The following COLEC10 variants were observed in gnomAD, a reference collection of about 807,000 sequenced individuals.
COLEC10 encodes the protein collectin subfamily member 10.
A neutral mutation model predicts 28.4 loss-of-function variants in COLEC10; 22 were observed. That is an observed-to-expected ratio of 0.78 (90% CI 0.55 to 1.11). COLEC10 has a LOEUF of 1.11. Among genes scored for constraint, COLEC10 ranks in the 50% least tolerant of loss-of-function variants. The pLI is 0.00. For missense variants in COLEC10, 361 were observed against 344.1 expected (o/e 1.05, Z -0.39); for synonymous variants, 125 against 116.1 (o/e 1.08, Z -0.49).
chr8:119,009,284 G>T (rs890066269), intron 1 of COLEC10, among the ~76,000 whole-genome samples: 2 of 151,076 alleles, frequency 1.3e-5, no homozygotes, highest in African/African-American at 4.9e-5. Flanking sequence ...GATCCTCAAT[G>T]TGGCAGCTTT....
chr8:118,980,733 T>C, the COLEC10 span, among the ~76,000 whole-genome samples: 5 of 151,572 alleles, frequency 3.3e-5, no homozygotes, highest in African/African-American at 1.2e-4. Flanking sequence ...TGGTAAACTT[T>C]AAAAATACTT....
At chr8:119,095,145 A>G (rs1421469760) in intron 3 of COLEC10, among the ~76,000 whole-genome samples, 1 of 152,216 alleles carries the variant, frequency 6.6e-6, no homozygotes, top group Non-Finnish European at 1.5e-5. Context: ...AGATGGCTTG[A>G]CATACAAAAA....
the COLEC10 span, among the ~76,000 whole-genome samples, chr8:118,957,176 A>G: frequency 6.6e-6 from 1 of 152,232 alleles, no homozygotes; most frequent in Non-Finnish European, 1.5e-5. Context: ...TTGACTTAGT[A>G]TATACTGATG....
At chr8:119,077,243 ATTTTTT>A (rs762180766) in intron 1 of COLEC10, among the ~76,000 whole-genome samples, 40 of 90,282 alleles carry the variant, frequency 4.4e-4, no homozygotes, top group African/African-American at 1.5e-3. Context: ...GTAGAGAATG[ATTTTTT>A]TTTTTTTTTT....
At chr8:119,049,401 CTT>C (rs34885340) in intron 2 of COLEC10, among the ~76,000 whole-genome samples, 560 of 59,958 alleles carry the variant, frequency 9.3e-3, no homozygotes, top group East Asian at 0.046. Flanking sequence ...ATTTTCTTTT[CTT>C]TTTTTTTTTT....
chr8:119,030,576 A>C (rs1226286647), intron 2 of COLEC10, among the ~76,000 whole-genome samples: 1 of 152,194 alleles, frequency 6.6e-6, no homozygotes, highest in Non-Finnish European at 1.5e-5. Context: ...CATCATGTGA[A>C]TATAAACAGG....
At chr8:118,996,978 G>A (rs1316900886) in intron 1 of COLEC10, among the ~76,000 whole-genome samples, 2 of 152,190 alleles carry the variant, frequency 1.3e-5, no homozygotes, top group African/African-American at 4.8e-5. Context: ...AGCCATTCAT[G>A]CGGGATCCAC....
At chr8:119,021,661 TTAAA>T (rs1314191239) in intron 2 of COLEC10, among the ~76,000 whole-genome samples, 3 of 152,290 alleles carry the variant, frequency 2.0e-5, no homozygotes, top group Middle Eastern at 3.4e-3. Flanking sequence ...GGCAGCACTG[TTAAA>T]TAGAGGAATG....
intron 3 of COLEC10, among the ~76,000 whole-genome samples, chr8:119,094,663 C>A (rs16891994): frequency 0.099 from 14,996 of 152,106 alleles, 1,676 homozygotes; most frequent in African/African-American, 0.28. Flanking sequence ...GGCTAAGAGG[C>A]TTGAGCAGAA....
the COLEC10 span, among the ~76,000 whole-genome samples, chr8:118,976,773 T>A: frequency 1.3e-5 from 2 of 152,040 alleles, no homozygotes; most frequent in Non-Finnish European, 2.9e-5. Context: ...CTAAAGAGCT[T>A]CTGCACAGCA....
the COLEC10 span, among the ~76,000 whole-genome samples, chr8:118,980,335 G>T: frequency 6.6e-6 from 1 of 151,574 alleles, no homozygotes; most frequent in Non-Finnish European, 1.5e-5. Context: ...GGGAATTACA[G>T]GCGAACACCA....
chr8:119,036,302 T>A (rs1814388783), intron 2 of COLEC10, among the ~76,000 whole-genome samples: 1 of 152,228 alleles, frequency 6.6e-6, no homozygotes, highest in Admixed American at 6.5e-5. Context: ...ACTTTGATTT[T>A]TCACTTAGTA....
chr8:119,055,507 C>T (rs1814744256), intron 2 of COLEC10, among the ~76,000 whole-genome samples: 1 of 152,064 alleles, frequency 6.6e-6, no homozygotes, highest in Admixed American at 6.6e-5. Flanking sequence ...TAAGTAAATA[C>T]TCATCCCAGG....
chr8:119,052,489 A>G (rs1038064597), intron 2 of COLEC10, among the ~76,000 whole-genome samples: 1 of 152,168 alleles, frequency 6.6e-6, no homozygotes, highest in African/African-American at 2.4e-5. Flanking sequence ...CATAGCTATC[A>G]TTACTGGCCT....
intron 2 of COLEC10, among the ~76,000 whole-genome samples, chr8:119,090,015 G>A (rs1815557197): frequency 6.6e-6 from 1 of 152,170 alleles, no homozygotes; most frequent in African/African-American, 2.4e-5. Context: ...CACTGTCTGA[G>A]AATATTTAAG....
intron 2 of COLEC10, among the ~76,000 whole-genome samples, chr8:119,011,175 G>C (rs7017691): frequency 0.57 from 86,423 of 150,428 alleles, 26,042 homozygotes; most frequent in Middle Eastern, 0.69. Context: ...TGTAAAGTCT[G>C]TGTCTAGATT....
upstream of COLEC10, chr8:119,063,301 C>G (rs781430346): frequency 6.6e-6 from 1 of 152,094 alleles, no homozygotes; most frequent in Non-Finnish European, 1.5e-5. Context: ...AACAAGTTAC[C>G]CCAAACTTGG....
intron 1 of COLEC10, among the ~76,000 whole-genome samples, chr8:119,006,406 C>A (rs1296736384): frequency 2.6e-5 from 4 of 152,072 alleles, no homozygotes; most frequent in Non-Finnish European, 5.9e-5. Context: ...TTCCCCTGTT[C>A]ATCTCTTCTG....
At chr8:118,962,094 T>G in the COLEC10 span, among the ~76,000 whole-genome samples, 1 of 152,198 alleles carries the variant, frequency 6.6e-6, no homozygotes, top group Non-Finnish European at 1.5e-5. Flanking sequence ...AAAAATGTTG[T>G]GAAACATTTG....
Sources: allele counts gnomAD v4.1 joint callset (sites outside exome capture counted in the v4.1 genomes callset), GRCh38; gene constraint gnomAD v4.1.1; transcripts MANE v1.5; gene names NCBI Gene and HGNC (gene_info 2026-07-23, HGNC 2026-07-21).